Variants in ARID3A observed in about 807,000 individuals in gnomAD.
ARID3A encodes AT-rich interactive domain-containing protein 3A.
In ARID3A, 11 loss-of-function variants were observed where a neutral mutation model predicts 52.7. The ratio of observed to expected loss-of-function variants is 0.21; its 90% CI spans 0.13 to 0.35. The LOEUF (loss-of-function observed/expected upper bound fraction) is 0.35, where lower values mean the gene tolerates loss of function less well. Ranked by LOEUF, ARID3A falls within the 10% of genes least tolerant of loss-of-function variation. The pLI is 1.00. For synonymous variants in ARID3A, 404 were observed against 359.4 expected, an observed-to-expected ratio of 1.12 and a Z score of -1.40; for missense variants, 721 against 838.5, an observed-to-expected ratio of 0.86 and a Z score of 1.73.
Position 964,310 on chromosome 19 carries a change from G to T in ARID3A, c.829G>T (p.Val277Leu). ...GGTCCTTGACCTGTTCATGCTGTAC[G>T]TGCTGGTGACGGAGAAGGGCGGCCT... ...KQVLDLFMLY[V>L]LVTEKGGLVE... is the part of the protein sequence containing the mutation. Residue 277 changes from valine to leucine, a missense_variant, in exon 5 of 9, where the codon GTG becomes TTG. Around this residue, in one of 5 missense-constraint regions of ARID3A, gnomAD observed 43 missense variants for 143.7 expected, o/e 0.30. Transcript: ENST00000263620. This position sits in a 1 kb window ranked among gnomAD's most constrained non-coding sequence, Gnocchi z 5.7. The T allele has an allele frequency of 6.2e-7, 1 of 1,614,118 alleles. No individual in the cohort carries two copies. Among genetic ancestry groups the T allele is most frequent in the Middle Eastern group, 1.6e-4 (1 of 6,062 alleles).
At position 941,824 on chromosome 19, in the gene ARID3A, GCGTA is replaced by G. The variant is rs201406961; in HGVS notation, c.693+9083_693+9086del. Among the ~76,000 whole-genome samples the G allele has an allele frequency of 6.8e-6, 1 of 147,730 alleles. No individual in the cohort carries two copies. The highest frequency in any genetic ancestry group is 2.5e-4 in the East Asian group (1 of 4,008). Reference sequence around the variant, plus strand: ...GTGTGTGTGTCAGGGGTGGCTGCAAGCGTATGTGTGTGTGCACGTCGAGGCTGGA... The same window carrying G: ...GTGTGTGTGTCAGGGGTGGCTGCAAGTGTGTGTGTGCACGTCGAGGCTGGA... On this transcript the variant is annotated intron_variant, in intron 3 of 8. Coordinates refer to ENST00000263620, the MANE Select transcript of ARID3A (RefSeq NM_005224.3). The surrounding 1 kb of genome is among the most constrained non-coding windows in gnomAD (Gnocchi z 6.9).
chr19:944,233 G>A lies in ARID3A; in HGVS notation c.693+11491G>A, dbSNP rs370681567. ...CTGCCGCCGGCACTGGAGTCCTGAC[G>A]TCGGCAGCGCGGTGGAGGGCGGGCC... is the stretch of plus-strand genomic sequence containing the variant. On this transcript the variant is annotated intron_variant, in intron 3 of 8. Coordinates refer to ENST00000263620, the MANE Select transcript of ARID3A (RefSeq NM_005224.3). The surrounding 1 kb of genome is among the most constrained non-coding windows in gnomAD (Gnocchi z 5.9). Among the ~76,000 whole-genome samples, 1 of 152,118 alleles carries A rather than the reference G, an allele frequency of 6.6e-6. No homozygotes were observed. Among genetic ancestry groups the A allele is most frequent in the Non-Finnish European group, 1.5e-5 (1 of 68,042 alleles).
intron 4 of ARID3A, among the ~76,000 whole-genome samples, chr19:961,503 T>C (rs2038040205): frequency 6.6e-6 from 1 of 152,212 alleles, no homozygotes; most frequent in African/African-American, 2.4e-5. Flanking sequence ...TTTATCATCC[T>C]GTTCGCACCT....
At chr19:932,827 T>C (rs545047180) in intron 3 of ARID3A, 85 bp downstream of exon 3, 15 of 1,511,102 alleles carry the variant, frequency 9.9e-6, no homozygotes, top group South Asian at 1.2e-5. Context: ...GCACGGGGTG[T>C]GTGCTGAGCC....
At position 964,114 on chromosome 19, in the gene ARID3A, A is replaced by C. The variant is rs112141710; in HGVS notation, c.767-134A>C. ...CTGCACCCACAGAGGGCCCTGGGCA[A>C]TGTCTGGAGACATCTGTGGTTGTCA... On this transcript the variant is annotated intron_variant, in intron 4 of 8. Transcript: ENST00000263620. The surrounding 1 kb of genome is among the most constrained non-coding windows in gnomAD (Gnocchi z 5.7). 71,212 of 690,438 alleles carry C rather than the reference A, an allele frequency of 0.1. 4,827 individuals carry two copies. The highest frequency in any genetic ancestry group is 0.27 in the South Asian group (13,583 of 50,660). The allele number at this position is 690,438 out of a possible 1,614,324, so 42.8% of individuals were successfully genotyped here.
At position 959,640 on chromosome 19, in the gene ARID3A, G is replaced by C. The variant is rs191242519; in HGVS notation, c.694-452G>C. On this transcript the variant is annotated intron_variant, in intron 3 of 8. Coordinates refer to ENST00000263620, the MANE Select transcript of ARID3A (RefSeq NM_005224.3). This position sits in a 1 kb window ranked among gnomAD's most constrained non-coding sequence, Gnocchi z 5.0. ...GATTTCTGTTGCTTTAAGCTGCAACGTGTGGCTGTAAGGGAGTTAAGGATC... is the reference window on the plus strand; with the variant it reads ...GATTTCTGTTGCTTTAAGCTGCAACCTGTGGCTGTAAGGGAGTTAAGGATC... 1.5e-4 allele frequency among the ~76,000 whole-genome samples: 23 copies of C among 152,282 alleles called. No individual in the cohort carries two copies. The East Asian group carries it at 4.4e-3, about 29-fold the overall frequency.
At chr19:953,465 G>C (rs1343191432) in intron 3 of ARID3A, among the ~76,000 whole-genome samples, 1 of 148,910 alleles carries the variant, frequency 6.7e-6, no homozygotes, top group Non-Finnish European at 1.5e-5. Flanking sequence ...CACCCCCCCA[G>C]GCCTCCCACA....
At position 959,741 on chromosome 19, in the gene ARID3A, T is replaced by C. The variant is rs1413559683; in HGVS notation, c.694-351T>C. Among the ~76,000 whole-genome samples the C allele has an allele frequency of 6.6e-6, 1 of 151,438 alleles. No homozygotes were observed. Among genetic ancestry groups the C allele is most frequent in the Non-Finnish European group, 1.5e-5 (1 of 67,774 alleles). On this transcript the variant is annotated intron_variant, in intron 3 of 8. Transcript: ENST00000263620. This position sits in a 1 kb window ranked among gnomAD's most constrained non-coding sequence, Gnocchi z 5.0. ...GGAGAGAGAGACGGGGAGACGGTCT[T>C]GTGGAGACGGAGGCAGAGACTGGAG... is the stretch of plus-strand genomic sequence containing the variant.
chr19:973,257 C>T lies in ARID3A; in HGVS notation c.*1192C>T, dbSNP rs144907580. The T allele has an allele frequency of 0.012, 2,099 of 175,698 alleles. 50 individuals carry two copies. Among genetic ancestry groups the T allele is most frequent in the African/African-American group, 0.047 (1,981 of 42,024 alleles). 10.9% of individuals were successfully genotyped at this position (175,698 alleles called of 1,614,324 possible). A position where few individuals can be genotyped will look rare whatever the true frequency, so the allele number is the denominator to read the frequency against. On this transcript the variant is annotated 3_prime_UTR_variant, in exon 9 of 9. Coordinates refer to ENST00000263620, the MANE Select transcript of ARID3A (RefSeq NM_005224.3). ...CCTCCGGAGTAGCTGGGATTACAGG[C>T]GCCCGCCACCACGCCCAGTTAATTT...
chr19:974,058 C>T lies in ARID3A; in HGVS notation c.*1993C>T. Reference sequence around the variant, plus strand: ...GGGCCCTGGGAGCCCTGTTAGGCCACCGGCATGGGGGCTTGGTGAGGAAGG... The same window carrying T: ...GGGCCCTGGGAGCCCTGTTAGGCCATCGGCATGGGGGCTTGGTGAGGAAGG... On this transcript the variant is annotated 3_prime_UTR_variant, in exon 9 of 9. Coordinates refer to ENST00000263620, the MANE Select transcript of ARID3A (RefSeq NM_005224.3). The T allele has an allele frequency of 4.4e-6, 1 of 227,248 alleles. No individual in the cohort carries two copies. 14.1% of individuals were successfully genotyped at this position (227,248 alleles called of 1,614,324 possible). A position where few individuals can be genotyped will look rare whatever the true frequency, so the allele number is the denominator to read the frequency against.
At position 964,489 on chromosome 19, in the gene ARID3A, A is replaced by G. The variant is rs1269640927; in HGVS notation, c.950+58A>G. 1.3e-6 allele frequency: 2 copies of G among 1,497,478 alleles called. No homozygotes were observed. Among genetic ancestry groups the G allele is most frequent in the African/African-American group, 1.4e-5 (1 of 72,180 alleles). The allele number at this position is 1,497,478 out of a possible 1,614,324, so 92.8% of individuals were successfully genotyped here. On this transcript the variant is annotated intron_variant, in intron 5 of 8. Coordinates refer to ENST00000263620, the MANE Select transcript of ARID3A (RefSeq NM_005224.3). The surrounding 1 kb of genome is among the most constrained non-coding windows in gnomAD (Gnocchi z 5.7). The stretch of plus-strand genomic sequence containing the variant: ...CAGGGCACTCTGAGCAGCCAGTGCA[A>G]GGGGCCTGCAGAAGAGGGAGGGGGT...
chr19:953,568 C>T (rs929500293), intron 3 of ARID3A, among the ~76,000 whole-genome samples: 12 of 152,156 alleles, frequency 7.9e-5, no homozygotes, highest in Admixed American at 5.9e-4. Flanking sequence ...CTTGCAGATC[C>T]GTGTAACGGG....
intron 3 of ARID3A, among the ~76,000 whole-genome samples, chr19:957,836 C>G (rs1187896953): frequency 1.4e-5 from 2 of 139,560 alleles, no homozygotes; most frequent in Non-Finnish European, 3.1e-5. Context: ...AGAGTGAGAC[C>G]CTGTCTCCAA....
Position 974,841 on chromosome 19 carries a change from A to T in ARID3A, c.*2776A>T, listed in dbSNP as rs1481956012. ...CTCAGAGGACTTGAGCCTGCTGTTA[A>T]CTCCGATGATTGTAGGGACAGGCGG... On this transcript the variant is annotated 3_prime_UTR_variant, in exon 9 of 9. Coordinates refer to ENST00000263620, the MANE Select transcript of ARID3A (RefSeq NM_005224.3). 3 of 121,902 alleles carry T rather than the reference A, an allele frequency of 2.5e-5. No individual in the cohort carries two copies. Among genetic ancestry groups the T allele is most frequent in the African/African-American group, 3.2e-5 (1 of 31,274 alleles). 7.6% of individuals were successfully genotyped at this position (121,902 alleles called of 1,614,324 possible). A position where few individuals can be genotyped will look rare whatever the true frequency, so the allele number is the denominator to read the frequency against.
In ARID3A at chr19:932,402, C is replaced by CCT; in HGVS notation, c.369-13_369-12dup. The CCT allele has an allele frequency of 1.3e-6, 2 of 1,593,756 alleles. No individual in the cohort carries two copies. Among genetic ancestry groups the CCT allele is most frequent in the Non-Finnish European group, 8.5e-7 (1 of 1,174,844 alleles). On this transcript the variant is annotated splice_polypyrimidine_tract_variant and intron_variant, in intron 2 of 8. Transcript: ENST00000263620. ...CAGCACCTTCTCCCCTGACTCCTGC[C>CCT]CTCTGCTCACCCCAGGAAGCCCAAA...
chr19:946,894 C>T (rs1036490535), intron 3 of ARID3A, among the ~76,000 whole-genome samples: 5 of 151,736 alleles, frequency 3.3e-5, no homozygotes, highest in South Asian at 2.1e-4. Context: ...CCTGGGCTCA[C>T]GTGATCCTCC....
At chr19:930,192 T>A (rs2037292004) in intron 2 of ARID3A, among the ~76,000 whole-genome samples, 1 of 143,836 alleles carries the variant, frequency 7.0e-6, no homozygotes, top group Non-Finnish European at 1.5e-5. Flanking sequence ...AGAACAGAAG[T>A]TGAGTTGTGA....
In ARID3A at chr19:942,643, T is replaced by C. The variant is rs1303194140; in HGVS notation, c.693+9901T>C. ...CACAGGTGGGTGGGCAGGGAGTAGG[T>C]GGAGGCCGCCCCTCCCACTGCCCCG... On this transcript the variant is annotated intron_variant, in intron 3 of 8. Transcript: ENST00000263620. This position sits in a 1 kb window ranked among gnomAD's most constrained non-coding sequence, Gnocchi z 8.1. Among the ~76,000 whole-genome samples, 1 of 152,010 alleles carries C rather than the reference T, an allele frequency of 6.6e-6. No individual in the cohort carries two copies. The highest frequency in any genetic ancestry group is 1.9e-4 in the East Asian group (1 of 5,178).
At chr19:926,163 C>A (rs2037191297) in intron 1 of ARID3A, 104 bp downstream of exon 1, 1 of 146,306 alleles carries the variant, frequency 6.8e-6, no homozygotes, top group Admixed American at 6.8e-5. Context: ...ACCCCAGGCG[C>A]GGGGCGCGCG....
Sources: gnomAD v4.1 joint callset for allele counts (sites outside exome capture counted in the v4.1 genomes callset) on GRCh38, gnomAD v4.1.1 for gene constraint, gnomAD v4.1.1 regional missense constraint, Gnocchi (gnomAD v3.1) non-coding constraint, MANE v1.5 for transcripts, NCBI Gene and HGNC (gene_info 2026-07-23, HGNC 2026-07-21) for gene names.